TCF12: variants seen among roughly 807,000 people sequenced by gnomAD.
TCF12 encodes the protein DNA-binding protein HTF4.
Under a neutral mutation model 86.0 loss-of-function variants are expected in TCF12, and 45 were observed. The observed-to-expected ratio is 0.52, with a 90% CI of 0.41 to 0.67. The LOEUF (loss-of-function observed/expected upper bound fraction) is 0.67, where lower values mean the gene tolerates loss of function less well. TCF12 is among the 30% of genes least tolerant of loss of function. TCF12 has a pLI of 0.00. For missense variants in TCF12, 881 were observed against 859.9 expected (o/e 1.02, Z -0.31); for synonymous variants, 330 against 299.6 (o/e 1.10, Z -1.05).
At chr15:57,255,095 T>TA (rs1338045677) in intron 16 of TCF12, among the ~76,000 whole-genome samples, 3 of 152,218 alleles carry the variant, frequency 2.0e-5, no homozygotes, top group Non-Finnish European at 4.4e-5. Context: ...GCAGTTCTTA[T>TA]TCCTTACCTC....
At chr15:57,000,260 C>T (rs1417520689) in intron 3 of TCF12, among the ~76,000 whole-genome samples, 2 of 151,352 alleles carry the variant, frequency 1.3e-5, no homozygotes, top group African/African-American at 2.4e-5. Flanking sequence ...TTACAGCCTC[C>T]GTCTCCTGGG....
At chr15:56,919,783 T>C (rs2059693722) in intron 1 of TCF12, 109 bp from the exon 2 acceptor site, 2 of 958,418 alleles carry the variant, frequency 2.1e-6, no homozygotes, top group African/African-American at 1.7e-5. Context: ...CTGGAAGTCA[T>C]CCCGGCGCCC....
intron 8 of TCF12, among the ~76,000 whole-genome samples, chr15:57,223,803 G>A (rs1201716141): frequency 6.6e-6 from 1 of 151,342 alleles, no homozygotes; most frequent in Non-Finnish European, 1.5e-5. Flanking sequence ...TGTTCTATTG[G>A]GGTATTTATT....
chr15:57,028,971 A>G (rs1596201605), intron 3 of TCF12, among the ~76,000 whole-genome samples: 1 of 151,574 alleles, frequency 6.6e-6, no homozygotes, highest in South Asian at 2.1e-4. Flanking sequence ...CTAATTTTTT[A>G]TATTTTTAGT....
intron 5 of TCF12, among the ~76,000 whole-genome samples, chr15:57,139,888 C>T (rs1045581581): frequency 2.6e-5 from 4 of 152,192 alleles, no homozygotes; most frequent in Admixed American, 2.0e-4. Context: ...ACTTCATTCA[C>T]TCACAGTCCT....
chr15:57,231,144 A>C lies in TCF12; in HGVS notation c.580-8A>C, dbSNP rs1360956078. 3 of 1,596,506 alleles carry C rather than the reference A, an allele frequency of 1.9e-6. No individual in the cohort carries two copies. Among genetic ancestry groups the C allele is most frequent in the Non-Finnish European group, 1.7e-6 (2 of 1,164,772 alleles). On this transcript the variant is annotated splice_region_variant and splice_polypyrimidine_tract_variant and intron_variant, in intron 8 of 20. Transcript: ENST00000333725. ...ACATTTTAATTAAATGTGCTGTTTA[A>C]TTTTAAGGTATATGCACCATCCCCA...
chr15:57,125,320 C>T (rs903388658), intron 5 of TCF12, among the ~76,000 whole-genome samples: 2 of 152,188 alleles, frequency 1.3e-5, no homozygotes, highest in East Asian at 3.8e-4. Context: ...TATAATATTT[C>T]TATAAGTTCT....
intron 6 of TCF12, among the ~76,000 whole-genome samples, chr15:57,173,066 G>A (rs2055639710): frequency 6.6e-6 from 1 of 152,116 alleles, no homozygotes; most frequent in African/African-American, 2.4e-5. Flanking sequence ...TCCAGCCTGG[G>A]CAACAGAGCA....
At chr15:57,079,048 A>G (rs1300572328) in intron 4 of TCF12, among the ~76,000 whole-genome samples, 1 of 152,238 alleles carries the variant, frequency 6.6e-6, no homozygotes, top group Non-Finnish European at 1.5e-5. Flanking sequence ...TTTCGTAAGT[A>G]TGTGAAAAGT....
At chr15:56,973,837 T>C (rs1326771264) in intron 3 of TCF12, among the ~76,000 whole-genome samples, 3 of 152,120 alleles carry the variant, frequency 2.0e-5, no homozygotes, top group African/African-American at 7.2e-5. Context: ...GACAAGTGTC[T>C]CCTGATATAG....
chr15:57,252,400 G>T (rs1309349644), intron 14 of TCF12, 21 bp from the exon 15 acceptor site: 2 of 1,609,034 alleles, frequency 1.2e-6, no homozygotes, highest in Non-Finnish European at 1.7e-6. Flanking sequence ...TTTGCCTCCT[G>T]TTCTGTCTTG....
intron 6 of TCF12, among the ~76,000 whole-genome samples, chr15:57,172,887 GC>G (rs1597053466): frequency 6.6e-6 from 1 of 151,710 alleles, no homozygotes. Context: ...GATCACTTGA[GC>G]CCAGGAGTTC....
intron 5 of TCF12, among the ~76,000 whole-genome samples, chr15:57,160,057 G>A (rs2054388288): frequency 1.3e-5 from 2 of 152,212 alleles, no homozygotes; most frequent in African/African-American, 4.8e-5. Flanking sequence ...CACACCATGA[G>A]AGTATTGTAG....
intron 3 of TCF12, among the ~76,000 whole-genome samples, chr15:57,020,319 G>C (rs2065400990): frequency 6.6e-6 from 1 of 152,178 alleles, no homozygotes; most frequent in Non-Finnish European, 1.5e-5. Context: ...AGGTCTTCTT[G>C]CAGAGCGTTC....
chr15:57,167,891 A>G (rs1355565725), intron 6 of TCF12, among the ~76,000 whole-genome samples: 1 of 152,190 alleles, frequency 6.6e-6, no homozygotes, highest in Non-Finnish European at 1.5e-5. Context: ...TTTAAAATAT[A>G]TATAGATTAG....
chr15:57,161,734 A>G (rs1401601423), intron 5 of TCF12, among the ~76,000 whole-genome samples: 14 of 152,188 alleles, frequency 9.2e-5, no homozygotes, highest in African/African-American at 3.1e-4. Flanking sequence ...TTGAATACGG[A>G]TAACAAAATA....
At chr15:57,248,238 C>A (rs1433416166) in intron 13 of TCF12, among the ~76,000 whole-genome samples, 2 of 152,196 alleles carry the variant, frequency 1.3e-5, no homozygotes, top group Non-Finnish European at 2.9e-5. Flanking sequence ...CCATGTTTAT[C>A]TTAGCATCTG....
At chr15:57,004,495 G>A (rs1018160304) in intron 3 of TCF12, among the ~76,000 whole-genome samples, 6 of 152,032 alleles carry the variant, frequency 3.9e-5, no homozygotes, top group East Asian at 1.9e-4. Flanking sequence ...TGCAAGCTCC[G>A]CCTCCCAGGT....
At chr15:57,263,330 T>A in intron 18 of TCF12, 56 bp downstream of exon 18, 1 of 1,542,502 alleles carries the variant, frequency 6.5e-7, no homozygotes, top group Non-Finnish European at 8.7e-7. Flanking sequence ...GTAAACATAC[T>A]TGAGAAGCTG....
Sources: gnomAD v4.1 joint callset for allele counts (sites outside exome capture counted in the v4.1 genomes callset) on GRCh38, gnomAD v4.1.1 for gene constraint, MANE v1.5 for transcripts, NCBI Gene and HGNC (gene_info 2026-07-23, HGNC 2026-07-21) for gene names.